ACSL1: variants seen among roughly 807,000 people sequenced by gnomAD.
ACSL1 encodes long-chain-fatty-acid--CoA ligase 1.
In ACSL1, 41 loss-of-function variants were observed where a neutral mutation model predicts 98.4. The observed-to-expected ratio is 0.42, with a 90% CI of 0.32 to 0.54. The LOEUF is 0.54. Ranked by LOEUF, ACSL1 falls within the 20% of genes least tolerant of loss-of-function variation. The probability of loss-of-function intolerance (pLI) is 0.13; values close to 1 mark genes in which losing one functional copy is unlikely to be tolerated. For missense variants in ACSL1, 734 were observed against 883.1 expected, an observed-to-expected ratio of 0.83 and a Z score of 2.14; for synonymous variants, 316 against 322.7, an observed-to-expected ratio of 0.98 and a Z score of 0.22.
chr4:184,782,252 G>A (rs1766408138), intron 4 of ACSL1, among the ~76,000 whole-genome samples: 1 of 124,298 alleles, frequency 8.0e-6, no homozygotes, highest in Non-Finnish European at 1.7e-5. Context: ...TTCTAGATCG[G>A]TCATACATTC....
intron 1 of ACSL1, chr4:184,813,808 A>G (rs1772353611): frequency 2.2e-6 from 1 of 455,746 alleles, no homozygotes; most frequent in African/African-American, 2.0e-5. Context: ...GTCCTTTCAC[A>G]GTAGCCAGAG....
intron 1 of ACSL1, among the ~76,000 whole-genome samples, chr4:184,813,092 A>G (rs1274114990): frequency 6.6e-6 from 1 of 152,210 alleles, no homozygotes; most frequent in Admixed American, 6.6e-5. Flanking sequence ...ACACAGCTGC[A>G]AAGATCTGTC....
At chr4:184,795,773 T>C (rs1488397337) in intron 2 of ACSL1, among the ~76,000 whole-genome samples, 2 of 152,220 alleles carry the variant, frequency 1.3e-5, no homozygotes, top group African/African-American at 2.4e-5. Context: ...AATGTAGATT[T>C]GTAAGAAAAT....
At chr4:184,792,769 A>G (rs11942616) in intron 2 of ACSL1, among the ~76,000 whole-genome samples, 11,649 of 152,202 alleles carry the variant, frequency 0.077, 1,367 homozygotes, top group African/African-American at 0.25. Context: ...CAGAAATGCT[A>G]TATTTAAAAA....
intron 1 of ACSL1, among the ~76,000 whole-genome samples, chr4:184,816,801 G>A (rs542853199): frequency 8.5e-5 from 13 of 152,194 alleles, no homozygotes; most frequent in South Asian, 4.2e-4. Context: ...GTTCTACCGC[G>A]TGGGGGTATC....
intron 1 of ACSL1, among the ~76,000 whole-genome samples, chr4:184,817,965 G>A (rs934950363): frequency 3.3e-5 from 5 of 152,146 alleles, no homozygotes; most frequent in East Asian, 1.9e-4. Flanking sequence ...TCTTGGCATC[G>A]GCAGAGTTTG....
intron 2 of ACSL1, among the ~76,000 whole-genome samples, chr4:184,789,098 C>A (rs749216007): frequency 6.6e-6 from 1 of 152,246 alleles, no homozygotes; most frequent in Non-Finnish European, 1.5e-5. Context: ...CGGCCACCTG[C>A]GGAACAGCTG....
chr4:184,793,697 G>T (rs1271854111), intron 2 of ACSL1, among the ~76,000 whole-genome samples: 2 of 152,194 alleles, frequency 1.3e-5, no homozygotes, highest in African/African-American at 4.8e-5. Flanking sequence ...AGTAGAAGGG[G>T]GAGAGGCAGA....
chr4:184,809,052 A>G (rs977721513), intron 1 of ACSL1, among the ~76,000 whole-genome samples: 3 of 152,234 alleles, frequency 2.0e-5, no homozygotes, highest in Non-Finnish European at 2.9e-5. Flanking sequence ...ATTAAGTATA[A>G]TAAATCTTAA....
Position 184,788,627 on chromosome 4 carries a change from T to C in ACSL1, c.300A>G (p.Ile100Met), listed in dbSNP as rs1156497577. 1.9e-6 allele frequency: 3 copies of C among 1,613,684 alleles called. No individual in the cohort carries two copies. In the African/African-American group the frequency reaches 4.0e-5, roughly 22 times the overall value. ...TTLYEGFQRG[I>M]QVSNNGPCLG... ...CAGGAAAATGCTTACTTGACACCTGTATTCCCCTCTGGAAACCTTCGTATA... is the reference window on the plus strand; with the variant it reads ...CAGGAAAATGCTTACTTGACACCTGCATTCCCCTCTGGAAACCTTCGTATA... Residue 100 changes from isoleucine (I) to methionine (M), a missense_variant, in exon 3 of 21, where the codon ATA (isoleucine) becomes ATG (methionine). By Grantham distance (10) the Ile-to-Met change is conservative. Transcript: ENST00000281455.
chr4:184,800,346 T>TA (rs1316693120), intron 2 of ACSL1, among the ~76,000 whole-genome samples: 3 of 152,194 alleles, frequency 2.0e-5, no homozygotes, highest in Non-Finnish European at 4.4e-5. Flanking sequence ...CGCTCCAACA[T>TA]GCTCCTGTAC....
chr4:184,785,107 T>C (rs1041310542), intron 3 of ACSL1, among the ~76,000 whole-genome samples: 4 of 152,234 alleles, frequency 2.6e-5, no homozygotes, highest in African/African-American at 9.6e-5. Flanking sequence ...CCACACTCAT[T>C]CATTTTTGTT....
intron 3 of ACSL1, among the ~76,000 whole-genome samples, chr4:184,784,794 G>C (rs1350846108): frequency 1.3e-5 from 2 of 152,168 alleles, no homozygotes; most frequent in African/African-American, 4.8e-5. Flanking sequence ...TGCAGATTCA[G>C]GAATCAGCCA....
At chr4:184,813,172 C>T (rs1393613766) in intron 1 of ACSL1, among the ~76,000 whole-genome samples, 1 of 152,182 alleles carries the variant, frequency 6.6e-6, no homozygotes, top group Non-Finnish European at 1.5e-5. Flanking sequence ...AGGTCATGTA[C>T]AGCCTTTGCG....
intron 1 of ACSL1, chr4:184,805,611 T>A: frequency 1.4e-6 from 1 of 727,416 alleles, no homozygotes; most frequent in South Asian, 6.2e-5. Context: ...TGGGCGGGGG[T>A]TAGCAGGGCT....
intron 18 of ACSL1, 82 bp from the exon 19 acceptor site, chr4:184,758,002 C>T (rs958252385): frequency 1.2e-5 from 16 of 1,342,812 alleles, no homozygotes; most frequent in Non-Finnish European, 1.6e-5. Context: ...CATCTTGTGG[C>T]CCCCTGGGAG....
At chr4:184,822,913 T>A (rs573889846) in intron 1 of ACSL1, among the ~76,000 whole-genome samples, 36 of 152,112 alleles carry the variant, frequency 2.4e-4, no homozygotes, top group African/African-American at 7.7e-4. Context: ...AATCTTAGAG[T>A]CGCTGCCACA....
intron 5 of ACSL1, among the ~76,000 whole-genome samples, chr4:184,779,716 G>A (rs1364546779): frequency 6.6e-6 from 1 of 152,154 alleles, no homozygotes; most frequent in East Asian, 1.9e-4. Flanking sequence ...TCTAACCACA[G>A]AGGTGACTCT....
chr4:184,809,715 GA>G (rs1270882354), intron 1 of ACSL1, among the ~76,000 whole-genome samples: 1 of 152,184 alleles, frequency 6.6e-6, no homozygotes, highest in Non-Finnish European at 1.5e-5. Context: ...AGAATGGTGT[GA>G]ACCTGGGAAG....
Sources: gnomAD v4.1 joint callset for allele counts (sites outside exome capture counted in the v4.1 genomes callset) on GRCh38, gnomAD v4.1.1 for gene constraint, MANE v1.5 for transcripts, NCBI Gene and HGNC (gene_info 2026-07-23, HGNC 2026-07-21) for gene names.